ACACA: variants seen among roughly 807,000 people sequenced by gnomAD.
ACACA encodes the protein acetyl-CoA carboxylase 1.
Under a neutral mutation model 296.1 loss-of-function variants are expected in ACACA, and 103 were observed. That is an observed-to-expected ratio of 0.35 (90% confidence interval 0.30 to 0.41). ACACA has a LOEUF of 0.41. Ranked by LOEUF, ACACA falls within the 10% of genes least tolerant of loss-of-function variation. The pLI, the probability that ACACA is intolerant of heterozygous loss-of-function variation, is 1.00. For missense variants in ACACA, 1,554 were observed against 2,989.7 expected, an observed-to-expected ratio of 0.52 and a Z score of 11.20; for synonymous variants, 953 against 1,038.6, an observed-to-expected ratio of 0.92 and a Z score of 1.58.
At chr17:37,401,791 C>T (rs1305480503) in intron 1 of ACACA, among the ~76,000 whole-genome samples, 1 of 152,086 alleles carries the variant, frequency 6.6e-6, no homozygotes, top group Non-Finnish European at 1.5e-5. Flanking sequence ...AACTCCTGAG[C>T]CCAAGCAATC....
At chr17:37,165,786 C>T (rs1243468586) in intron 41 of ACACA, among the ~76,000 whole-genome samples, 1 of 151,884 alleles carries the variant, frequency 6.6e-6, no homozygotes, top group Admixed American at 6.6e-5. Context: ...GGCAATCCTC[C>T]CATCTCAGCC....
intron 5 of ACACA, among the ~76,000 whole-genome samples, chr17:37,280,357 C>T (rs952123831): frequency 9.9e-5 from 15 of 152,000 alleles, no homozygotes; most frequent in African/African-American, 2.9e-4. Flanking sequence ...TACCGGCATG[C>T]GCCTCTATGC....
At chr17:37,142,693 G>A (rs938200988) in intron 45 of ACACA, among the ~76,000 whole-genome samples, 4 of 152,170 alleles carry the variant, frequency 2.6e-5, no homozygotes, top group South Asian at 4.1e-4. Flanking sequence ...TTGTATCAAC[G>A]AGTCCTTGGG....
intron 11 of ACACA, among the ~76,000 whole-genome samples, chr17:37,261,380 A>G (rs1475709030): frequency 1.3e-5 from 2 of 152,236 alleles, no homozygotes; most frequent in African/African-American, 2.4e-5. Context: ...GAAGAAATCT[A>G]TGAGTATGAT....
At chr17:37,210,729 A>G (rs1350545774) in intron 29 of ACACA, among the ~76,000 whole-genome samples, 1 of 127,774 alleles carries the variant, frequency 7.8e-6, no homozygotes, top group Non-Finnish European at 1.6e-5. Flanking sequence ...TTTACCATGG[A>G]TTTTAAAAAT....
chr17:37,331,410 T>A (rs1001244048), intron 2 of ACACA, among the ~76,000 whole-genome samples: 4 of 135,660 alleles, frequency 2.9e-5, no homozygotes, highest in Non-Finnish European at 4.8e-5. Context: ...ACCCGGCCTA[T>A]TTTTTTTTTC....
intron 16 of ACACA, among the ~76,000 whole-genome samples, chr17:37,249,424 T>C (rs1035694971): frequency 6.6e-6 from 1 of 152,198 alleles, no homozygotes; most frequent in South Asian, 2.1e-4. Flanking sequence ...TTTTCAGTAA[T>C]TGCAATACCA....
chr17:37,306,658 T>C (rs1449190959), intron 3 of ACACA, among the ~76,000 whole-genome samples: 1 of 152,026 alleles, frequency 6.6e-6, no homozygotes, highest in African/African-American at 2.4e-5. Context: ...TACTTTAATG[T>C]CTGACTTCTT....
intron 39 of ACACA, among the ~76,000 whole-genome samples, chr17:37,186,543 T>C (rs796704785): frequency 5.9e-5 from 9 of 152,348 alleles, no homozygotes; most frequent in African/African-American, 1.4e-4. Context: ...AAGCACCATG[T>C]AGGCATTAGG....
intron 16 of ACACA, among the ~76,000 whole-genome samples, chr17:37,249,590 TTTAC>T (rs1227939470): frequency 6.6e-6 from 1 of 152,186 alleles, no homozygotes; most frequent in Non-Finnish European, 1.5e-5. Context: ...TTTGATTTTA[TTTAC>T]TTAATGATTA....
At chr17:37,174,249 C>A in intron 41 of ACACA, among the ~76,000 whole-genome samples, 1 of 150,260 alleles carries the variant, frequency 6.7e-6, no homozygotes, top group Non-Finnish European at 1.5e-5. Context: ...ATCCCTAATG[C>A]AAGGTTCAAA....
At chr17:37,299,568 C>CT in intron 3 of ACACA, 2 of 1,390,626 alleles carry the variant, frequency 1.4e-6, no homozygotes, top group Non-Finnish European at 1.9e-6. Context: ...TGCATCTTCT[C>CT]TCCTCCACAC....
chr17:37,260,272 ATATATATATATATATATATATATAT>A lies in ACACA; in HGVS notation c.1330-767_1330-743del, dbSNP rs1278143848. On this transcript the variant is annotated intron_variant, in intron 11 of 55. Coordinates refer to ENST00000616317, the MANE Select transcript of ACACA (RefSeq NM_198834.3). ...GTCATATATATATATATATATATATATATATATATATATATATATATATATTTTTTTTTTTTTTTTTTTTGGAGAT... is the reference window on the plus strand; with the variant it reads ...GTCATATATATATATATATATATATATTTTTTTTTTTTTTTTTTTGGAGAT... Among the ~76,000 whole-genome samples, 13 of 25,132 alleles carry A rather than the reference ATATATATATATATATATATATATAT, an allele frequency of 5.2e-4. 1 individual carries two copies. Among genetic ancestry groups the A allele is most frequent in the African/African-American group, 6.9e-4 (3 of 4,338 alleles). 16.5% of individuals were successfully genotyped at this position (25,132 alleles called of 152,430 possible). A position where few individuals can be genotyped will look rare whatever the true frequency, so the allele number is the denominator to read the frequency against.
At chr17:37,350,493 A>T (rs2048849061) in intron 1 of ACACA, among the ~76,000 whole-genome samples, 1 of 152,058 alleles carries the variant, frequency 6.6e-6, no homozygotes, top group Non-Finnish European at 1.5e-5. Context: ...GCATTCCAGC[A>T]TGGGCAAAAG....
chr17:37,383,772 G>A (rs2050405978), intron 1 of ACACA, among the ~76,000 whole-genome samples: 1 of 152,124 alleles, frequency 6.6e-6, no homozygotes, highest in Admixed American at 6.5e-5. Context: ...TCAAGCTCCT[G>A]TCCTCAAGTG....
At chr17:37,274,813 T>C (rs1394022087) in intron 8 of ACACA, 4 of 276,602 alleles carry the variant, frequency 1.4e-5, no homozygotes. Flanking sequence ...AAGAACAAAT[T>C]CAACCTTTTA....
chr17:37,386,409 C>T (rs1237568541), intron 1 of ACACA, among the ~76,000 whole-genome samples: 2 of 151,872 alleles, frequency 1.3e-5, no homozygotes, highest in South Asian at 2.1e-4. Context: ...CTGACCAACA[C>T]GGTGAAAACC....
intron 54 of ACACA, 55 bp downstream of exon 54, chr17:37,096,941 C>T: frequency 6.2e-7 from 1 of 1,608,882 alleles, no homozygotes; most frequent in Non-Finnish European, 8.5e-7. Context: ...ACTTGCAGCC[C>T]TCAGGTGGTG....
intron 1 of ACACA, among the ~76,000 whole-genome samples, chr17:37,376,536 T>C (rs1003244741): frequency 1.3e-5 from 2 of 152,186 alleles, no homozygotes; most frequent in African/African-American, 4.8e-5. Flanking sequence ...GACGGTGATA[T>C]TCTTGGGTGG....
Sources: allele counts gnomAD v4.1 joint callset (sites outside exome capture counted in the v4.1 genomes callset), GRCh38; gene constraint gnomAD v4.1.1; transcripts MANE v1.5; gene names NCBI Gene and HGNC (gene_info 2026-07-23, HGNC 2026-07-21).